Variants in ZNF354C observed in about 807,000 individuals in gnomAD.
ZNF354C encodes KRAB-zinc finger protein synten.
Under a neutral mutation model 12.4 loss-of-function variants are expected in ZNF354C, and 7 were observed. That is an observed-to-expected ratio of 0.56 (90% CI 0.32 to 1.06). The LOEUF (loss-of-function observed/expected upper bound fraction) is 1.06, where lower values mean the gene tolerates loss of function less well. Among genes scored for constraint, ZNF354C ranks in the 50% least tolerant of loss-of-function variants. The pLI, the probability that ZNF354C is intolerant of heterozygous loss-of-function variation, is 0.04. For missense variants in ZNF354C, 609 were observed against 658.0 expected (o/e 0.93, Z 0.81); for synonymous variants, 202 against 224.5 (o/e 0.90, Z 0.90).
At chr5:179,069,098 G>A (rs991096642) in intron 2 of ZNF354C, among the ~76,000 whole-genome samples, 14 of 152,054 alleles carry the variant, frequency 9.2e-5, no homozygotes, top group African/African-American at 3.1e-4. Flanking sequence ...AAATTAGAAG[G>A]CCCCCTGCAG....
intron 2 of ZNF354C, among the ~76,000 whole-genome samples, chr5:179,071,459 A>G (rs1421410776): frequency 6.6e-6 from 1 of 151,290 alleles, no homozygotes; most frequent in Non-Finnish European, 1.5e-5. Context: ...AGCTCCTTTC[A>G]GACTAATTCA....
At chr5:179,073,114 G>A (rs1225347030) in intron 2 of ZNF354C, among the ~76,000 whole-genome samples, 1 of 151,988 alleles carries the variant, frequency 6.6e-6, no homozygotes, top group African/African-American at 2.4e-5. Context: ...CAAAGACCAG[G>A]AAGCAATAGA....
rs1157323472 is a variant in ZNF354C, at chr5:179,080,688, T to TA, written c.*597dup. 3.9e-5 allele frequency: 6 copies of TA among 152,358 alleles called. No homozygotes were observed. The highest frequency in any genetic ancestry group is 9.6e-5 in the African/African-American group (4 of 41,588). 9.4% of individuals were successfully genotyped at this position (152,358 alleles called of 1,614,324 possible). Reference sequence around the variant, plus strand: ...TGTAAACATAAAAGTCCTTTATTATTAAAAAATGTAGTTTTATTGATTTAG... The same window carrying TA: ...TGTAAACATAAAAGTCCTTTATTATTAAAAAAATGTAGTTTTATTGATTTAG... On this transcript the variant is annotated 3_prime_UTR_variant, in exon 5 of 5. Coordinates refer to ENST00000315475, the MANE Select transcript of ZNF354C (RefSeq NM_014594.3).
At chr5:179,070,841 C>CTTTTTTTTTT (rs766817856) in intron 2 of ZNF354C, among the ~76,000 whole-genome samples, 8 of 75,460 alleles carry the variant, frequency 1.1e-4, no homozygotes, top group Admixed American at 1.8e-4. Flanking sequence ...CTTGATCGCT[C>CTTTTTTTTTT]TTTTTTTTTT....
intron 4 of ZNF354C, among the ~76,000 whole-genome samples, chr5:179,077,544 G>A (rs1210071755): frequency 1.3e-5 from 2 of 152,166 alleles, no homozygotes; most frequent in Admixed American, 6.5e-5. Flanking sequence ...CCTACAAAGA[G>A]AGTGCAGTCT....
At chr5:179,064,808 A>G (rs1364669142) in intron 2 of ZNF354C, among the ~76,000 whole-genome samples, 4 of 152,114 alleles carry the variant, frequency 2.6e-5, no homozygotes, top group South Asian at 4.1e-4. Flanking sequence ...GTGATATCCA[A>G]TATCACATTC....
intron 1 of ZNF354C, among the ~76,000 whole-genome samples, chr5:179,061,700 G>A (rs1223113477): frequency 6.6e-6 from 1 of 152,076 alleles, no homozygotes; most frequent in Non-Finnish European, 1.5e-5. Flanking sequence ...TGGCGCCCCA[G>A]GAGACTGGAT....
At chr5:179,075,519 TA>T (rs1391372182) in intron 2 of ZNF354C, among the ~76,000 whole-genome samples, 1 of 152,154 alleles carries the variant, frequency 6.6e-6, no homozygotes, top group Non-Finnish European at 1.5e-5. Context: ...TCCCTAACTG[TA>T]AAAAACTGTA....
rs1165665404 is a variant in ZNF354C, at chr5:179,079,746, A to G, written c.1314A>G (p.Lys438=). The change falls in exon 5 of 5, where the codon AAA becomes AAG. Residue 438 remains lysine (K), a synonymous_variant. Coordinates refer to ENST00000315475, the MANE Select transcript of ZNF354C (RefSeq NM_014594.3). The surrounding 1 kb of genome is among the most constrained non-coding windows in gnomAD (Gnocchi z 4.2). ...ATCGGAAAATTCATACTGGGGAAAAACTTTATACATGTGAGGAATGTGGGA... is the reference window on the plus strand; with the variant it reads ...ATCGGAAAATTCATACTGGGGAAAAGCTTTATACATGTGAGGAATGTGGGA... ...NEHRKIHTGE[K]LYTCEECGKA... 1 of 1,614,122 alleles carries G rather than the reference A, an allele frequency of 6.2e-7. No homozygotes were observed. Among genetic ancestry groups the G allele is most frequent in the Admixed American group, 1.7e-5 (1 of 60,030 alleles).
At chr5:179,076,372 C>G (rs1581120079) in intron 2 of ZNF354C, 73 bp from the exon 3 acceptor site, 1 of 1,601,002 alleles carries the variant, frequency 6.2e-7, no homozygotes, top group African/African-American at 1.3e-5. Flanking sequence ...GTACATCCCA[C>G]TGTCACTTTC....
intron 4 of ZNF354C, among the ~76,000 whole-genome samples, chr5:179,078,306 C>A (rs1762158471): frequency 6.6e-6 from 1 of 152,146 alleles, no homozygotes; most frequent in Non-Finnish European, 1.5e-5. Flanking sequence ...ACTTCATTGC[C>A]TGGTATATGC....
intron 4 of ZNF354C, among the ~76,000 whole-genome samples, 170 bp from the exon 5 acceptor site, chr5:179,078,513 A>G (rs1762161880): frequency 6.6e-6 from 1 of 152,286 alleles, no homozygotes; most frequent in Admixed American, 6.5e-5. Flanking sequence ...TAACCTGTTT[A>G]CCTCACTTTC....
chr5:179,063,833 T>C (rs1761924356), intron 2 of ZNF354C, among the ~76,000 whole-genome samples: 1 of 152,144 alleles, frequency 6.6e-6, no homozygotes, highest in Admixed American at 6.5e-5. Context: ...CTGAGAGAAG[T>C]GCATGGCACG....
At chr5:179,061,749 G>A (rs1298000085) in intron 1 of ZNF354C, among the ~76,000 whole-genome samples, 8 of 152,126 alleles carry the variant, frequency 5.3e-5, no homozygotes, top group African/African-American at 1.2e-4. Context: ...CAAAGCTAGC[G>A]AAGGACTCCA....
intron 1 of ZNF354C, among the ~76,000 whole-genome samples, chr5:179,061,447 T>C (rs1471637109): frequency 1.3e-5 from 2 of 152,030 alleles, no homozygotes; most frequent in Non-Finnish European, 2.9e-5. Flanking sequence ...TCCTGTTACC[T>C]TGGGTAAAGT....
chr5:179,082,934 C>A lies in ZNF354C; in HGVS notation c.*2837C>A. On this transcript the variant is annotated 3_prime_UTR_variant, in exon 5 of 5. Transcript: ENST00000315475. ...CGGAGAACTCCACCTCATCTCCTGCCTGGAGCTCAAGGCCATCCTCAACTT... is the reference window on the plus strand; with the variant it reads ...CGGAGAACTCCACCTCATCTCCTGCATGGAGCTCAAGGCCATCCTCAACTT... 1.1e-6 allele frequency: 1 copy of A among 912,500 alleles called. No individual in the cohort carries two copies. The highest frequency in any genetic ancestry group is 1.6e-5 in the African/African-American group (1 of 61,522). The allele number at this position is 912,500 out of a possible 1,614,324, so 56.5% of individuals were successfully genotyped here.
chr5:179,081,517 C>T lies in ZNF354C; in HGVS notation c.*1420C>T, dbSNP rs1762226098. On this transcript the variant is annotated 3_prime_UTR_variant, in exon 5 of 5. Transcript: ENST00000315475. ...AAAATTCTAATACAATTAGCTAGAC[C>T]TTCTGAGAAAAATGTTAGAATTAAA... 1 of 151,720 alleles carries T rather than the reference C, an allele frequency of 6.6e-6. No individual in the cohort carries two copies. Among genetic ancestry groups the T allele is most frequent in the Non-Finnish European group, 1.5e-5 (1 of 67,968 alleles). The allele number at this position is 151,720 out of a possible 1,614,324, so 9.4% of individuals were successfully genotyped here. A position where few individuals can be genotyped will look rare whatever the true frequency, so the allele number is the denominator to read the frequency against.
chr5:179,083,001 T>C lies in ZNF354C; in HGVS notation c.*2904T>C. The C allele has an allele frequency of 3.9e-6, 3 of 769,378 alleles. No individual in the cohort carries two copies. In the South Asian group the frequency reaches 4.9e-5, roughly 12 times the overall value. 47.7% of individuals were successfully genotyped at this position (769,378 alleles called of 1,614,324 possible). A position where few individuals can be genotyped will look rare whatever the true frequency, so the allele number is the denominator to read the frequency against. On this transcript the variant is annotated 3_prime_UTR_variant, in exon 5 of 5. Transcript: ENST00000315475. ...GAGCTTCTTGCTATCCCCTACTTCA[T>C]AGTTAATGAAGCCAAACTGATCTTG...
chr5:179,079,601 G>A lies in ZNF354C; in HGVS notation c.1169G>A (p.Gly390Glu), dbSNP rs1223427914. The change falls in exon 5 of 5, where the codon GGG becomes GAG. Residue 390 changes from glycine to glutamate, a missense_variant. Physicochemically the swap from Gly to Glu is moderately conservative, Grantham distance 98. Coordinates refer to ENST00000315475, the MANE Select transcript of ZNF354C (RefSeq NM_014594.3). This position sits in a 1 kb window ranked among gnomAD's most constrained non-coding sequence, Gnocchi z 4.2. ...CAACTGTATACATGCTTGGAATGTG[G>A]GAGAACCTTCACACGTATTGTAACC... Reference protein sequence around the residue: ...GEQLYTCLECGRTFTRIVTLI... With the variant: ...GEQLYTCLECERTFTRIVTLI... 2.5e-6 allele frequency: 4 copies of A among 1,614,130 alleles called. No individual in the cohort carries two copies. In the East Asian group the frequency reaches 8.9e-5, roughly 36 times the overall value.
Sources: allele counts gnomAD v4.1 joint callset (sites outside exome capture counted in the v4.1 genomes callset), GRCh38; gene constraint gnomAD v4.1.1; non-coding constraint Gnocchi (gnomAD v3.1); transcripts MANE v1.5; gene names NCBI Gene and HGNC (gene_info 2026-07-23, HGNC 2026-07-21).